Variants in RHCE observed in about 807,000 individuals in gnomAD.
RHCE encodes the protein blood group Rh(CE) polypeptide.
Under a neutral mutation model 43.8 loss-of-function variants are expected in RHCE, and 22 were observed. That is an observed-to-expected ratio of 0.50 (90% confidence interval 0.36 to 0.72). The LOEUF (loss-of-function observed/expected upper bound fraction) is 0.72, where lower values mean the gene tolerates loss of function less well. Ranked by LOEUF, RHCE falls within the 30% of genes least tolerant of loss-of-function variation. RHCE has a pLI of 0.00. For synonymous variants in RHCE, 156 were observed against 210.7 expected (o/e 0.74, Z 2.25); for missense variants, 385 against 525.4 (o/e 0.73, Z 2.61).
rs559666339 is a variant in RHCE, at chr1:25,378,350, C to T, written c.1074-2922G>A. Among the ~76,000 whole-genome samples the T allele has an allele frequency of 8.5e-5, 13 of 152,288 alleles. No individual in the cohort carries two copies. In the East Asian group the frequency reaches 2.3e-3, roughly 27 times the overall value. On this transcript the variant is annotated intron_variant, in intron 7 of 9. Transcript: ENST00000294413. ...GAAGTGCATTCGTGTGCTCCAAAAA[C>T]AAAAGTGCTAGAATGTTCAGAGGAG...
At chr1:25,416,773 C>T (rs1647498912) in intron 1 of RHCE, among the ~76,000 whole-genome samples, 1 of 148,882 alleles carries the variant, frequency 6.7e-6, no homozygotes, top group Non-Finnish European at 1.5e-5. Context: ...TGTGCCACCA[C>T]ACTGGGTTAA....
chr1:25,388,810 A>C (rs1646264249), intron 6 of RHCE, among the ~76,000 whole-genome samples, 166 bp downstream of exon 6: 1 of 152,110 alleles, frequency 6.6e-6, no homozygotes, highest in Non-Finnish European at 1.5e-5. Context: ...CATCTTAACA[A>C]ATGTGCCACC....
chr1:25,373,865 C>CTAG (rs1645691996), intron 8 of RHCE, among the ~76,000 whole-genome samples: 1 of 149,416 alleles, frequency 6.7e-6, no homozygotes, highest in Non-Finnish European at 1.5e-5. Flanking sequence ...CAGTCTCACT[C>CTAG]TGTCACCTAG....
intron 1 of RHCE, among the ~76,000 whole-genome samples, chr1:25,409,867 G>A (rs576894487): frequency 6.6e-6 from 1 of 151,818 alleles, no homozygotes; most frequent in South Asian, 2.1e-4. Context: ...GAGGCGTTAT[G>A]TAACTTGCCC....
intron 6 of RHCE, 102 bp downstream of exon 6, chr1:25,388,874 C>A (rs1296789060): frequency 2.5e-6 from 4 of 1,584,770 alleles, no homozygotes; most frequent in Admixed American, 1.7e-5. Context: ...AATGCACCAA[C>A]ACCTGCCTAA....
At chr1:25,396,309 A>AT (rs1268734635) in intron 3 of RHCE, among the ~76,000 whole-genome samples, 1 of 152,184 alleles carries the variant, frequency 6.6e-6, no homozygotes, top group Non-Finnish European at 1.5e-5. Context: ...AAAAATATGT[A>AT]TTTTTTTCTA....
intron 4 of RHCE, among the ~76,000 whole-genome samples, chr1:25,391,534 C>A (rs975423907): frequency 6.6e-6 from 1 of 151,916 alleles, no homozygotes; most frequent in African/African-American, 2.4e-5. Flanking sequence ...TTTAACTTGA[C>A]CCCGTGGCCT....
rs752924549 is a variant in RHCE at position 25,390,931 on chromosome 1, G to A, written c.635-16C>T. 13 of 1,614,128 alleles carry A rather than the reference G, an allele frequency of 8.1e-6. No homozygotes were observed. In the South Asian group the frequency reaches 1.4e-4, roughly 18 times the overall value. On this transcript the variant is annotated splice_polypyrimidine_tract_variant and intron_variant, in intron 4 of 9. Coordinates refer to ENST00000294413, the MANE Select transcript of RHCE (RefSeq NM_020485.8). ...AAGAGGGCGCCTGGGGGCCAGAGAGGGTGGTTGGCCAGAATCACACTCCTG... is the reference window on the plus strand; with the variant it reads ...AAGAGGGCGCCTGGGGGCCAGAGAGAGTGGTTGGCCAGAATCACACTCCTG...
chr1:25,392,014 G>A lies in RHCE; in HGVS notation c.614C>T (p.Pro205Leu). The change falls in exon 4 of 10, where the codon CCC (proline) becomes CTC (leucine). Residue 205 changes from proline (P) to leucine (L), a missense_variant. Pro to Leu is a moderately conservative substitution (Grantham distance 98). Coordinates refer to ENST00000294413, the MANE Select transcript of RHCE (RefSeq NM_020485.8). ...CTTACCCAGCATGGCAGACAAACTG[G>A]GTATCGTTGCTCTCTGATCATTATC... ...TEDNDQRATI[P>L]SLSAMLGALF... 1 of 1,614,060 alleles carries A rather than the reference G, an allele frequency of 6.2e-7. No individual in the cohort carries two copies. Among genetic ancestry groups the A allele is most frequent in the South Asian group, 1.1e-5 (1 of 91,068 alleles).
chr1:25,362,691 G>A (rs2124276695), intron 9 of RHCE, 138 bp from the exon 10 acceptor site: 2 of 553,492 alleles, frequency 3.6e-6, no homozygotes, highest in East Asian at 6.1e-5. Context: ...AAGAGATCTT[G>A]GATATATAGG....
At chr1:25,394,639 T>C (rs1646485961) in intron 3 of RHCE, among the ~76,000 whole-genome samples, 1 of 152,198 alleles carries the variant, frequency 6.6e-6, no homozygotes, top group Non-Finnish European at 1.5e-5. Flanking sequence ...AGTTGTATTT[T>C]CCACTGCCAC....
intron 7 of RHCE, among the ~76,000 whole-genome samples, chr1:25,376,913 C>CA (rs1234810472): frequency 2.0e-3 from 286 of 143,554 alleles, no homozygotes; most frequent in Middle Eastern, 3.6e-3. Flanking sequence ...GACTCCATCT[C>CA]AAAAAAAAAA....
At chr1:25,370,791 C>T (rs1279790640) in intron 8 of RHCE, among the ~76,000 whole-genome samples, 1 of 150,526 alleles carries the variant, frequency 6.6e-6, no homozygotes, top group African/African-American at 2.5e-5. Context: ...CTCTATCACC[C>T]AGGCTGGAGT....
chr1:25,390,857 T>A lies in RHCE; in HGVS notation c.693A>T (p.Pro231=), dbSNP rs200492988. 1 of 1,614,252 alleles carries A rather than the reference T, an allele frequency of 6.2e-7. No homozygotes were observed. Among genetic ancestry groups the A allele is most frequent in the East Asian group, 2.2e-5 (1 of 44,882 alleles). Residue 231 remains proline (P), a synonymous_variant, in exon 5 of 10, where the codon CCA becomes CCT. Coordinates refer to ENST00000294413, the MANE Select transcript of RHCE (RefSeq NM_020485.8). ...PSVNSALLRS[P]IQRKNAMFNT... ...TGAACATGGCATTCTTCCTTTGGAT[T>A]GGACTTCTCAGCAGAGCAGAGTTGA...
intron 8 of RHCE, among the ~76,000 whole-genome samples, chr1:25,371,126 G>A (rs1645599424): frequency 6.7e-6 from 1 of 150,014 alleles, no homozygotes. Flanking sequence ...CAGTACATGA[G>A]AGCCACAGAT....
chr1:25,427,056 C>CA (rs57239579), intron 2 of RHCE, among the ~76,000 whole-genome samples: 6,993 of 135,784 alleles, frequency 0.052, 498 homozygotes, highest in African/African-American at 0.16. Context: ...GACTCCATCT[C>CA]AAAAAAAAAA....
Position 25,390,776 on chromosome 1 carries a change from C to G in RHCE, c.774G>C (p.Leu258Phe). ...TGCTGATCTTCCTTTGGGGGTGAGC[C>G]AAGGATGACCCTGAGATGGCTGTCA... ...SVVTAISGSS[L>F]AHPQRKISMT... The change falls in exon 5 of 10, where the codon TTG becomes TTC. Residue 258 changes from leucine to phenylalanine, a missense_variant. Around this residue, in one of 6 missense-constraint regions of RHCE, gnomAD observed 56 missense variants for 90.0 expected, o/e 0.62. Coordinates refer to ENST00000294413, the MANE Select transcript of RHCE (RefSeq NM_020485.8). 6.2e-7 allele frequency: 1 copy of G among 1,614,176 alleles called. No individual in the cohort carries two copies. The highest frequency in any genetic ancestry group is 8.5e-7 in the Non-Finnish European group (1 of 1,180,024).
At position 25,390,770 on chromosome 1, in the gene RHCE, G is replaced by A. The variant is rs1442806937; in HGVS notation, c.780C>T (p.His260=). The change falls in exon 5 of 10, where the codon CAC becomes CAT. Residue 260 remains histidine, a synonymous_variant. Coordinates refer to ENST00000294413, the MANE Select transcript of RHCE (RefSeq NM_020485.8). ...TCACCATGCTGATCTTCCTTTGGGG[G>A]TGAGCCAAGGATGACCCTGAGATGG... The part of the protein sequence containing the change: ...VTAISGSSLA[H]PQRKISMTYV... 6.8e-6 allele frequency: 11 copies of A among 1,614,116 alleles called. No individual in the cohort carries two copies. The highest frequency in any genetic ancestry group is 9.3e-6 in the Non-Finnish European group (11 of 1,180,056).
chr1:25,396,969 C>T (rs963335688), intron 3 of RHCE, among the ~76,000 whole-genome samples: 1 of 148,822 alleles, frequency 6.7e-6, no homozygotes, highest in Non-Finnish European at 1.5e-5. Context: ...CAAAAATTAA[C>T]TGGGCATGGT....
Sources: allele counts gnomAD v4.1 joint callset (sites outside exome capture counted in the v4.1 genomes callset), GRCh38; gene constraint gnomAD v4.1.1; regional missense constraint gnomAD v4.1.1; transcripts MANE v1.5; gene names NCBI Gene and HGNC (gene_info 2026-07-23, HGNC 2026-07-21).